The following NAV2 variants were observed in gnomAD, a reference collection of about 807,000 sequenced individuals.
NAV2 encodes neuron navigator 2, also known as helicase, APC down-regulated 1.
Under a neutral mutation model 223.2 loss-of-function variants are expected in NAV2, and 54 were observed. That is an observed-to-expected ratio of 0.24 (90% CI 0.19 to 0.30). The LOEUF is 0.30. NAV2 is among the 10% of genes least tolerant of loss of function. The pLI is 1.00. For synonymous variants in NAV2, 1,279 were observed against 1,239.3 expected (o/e 1.03, Z -0.67); for missense variants, 2,806 against 3,147.5 (o/e 0.89, Z 2.60).
intron 5 of NAV2, among the ~76,000 whole-genome samples, chr11:19,886,226 C>T (rs1172782291): frequency 1.3e-5 from 2 of 152,148 alleles, no homozygotes; most frequent in African/African-American, 4.8e-5. Flanking sequence ...AATCCTCCCG[C>T]CTTGGCCTCC....
intron 1 of NAV2, among the ~76,000 whole-genome samples, chr11:19,810,090 G>A (rs1471205209): frequency 2.6e-5 from 4 of 152,154 alleles, no homozygotes; most frequent in Non-Finnish European, 2.9e-5. Context: ...CTATTTACAT[G>A]GAAGATTTTT....
At chr11:19,800,464 T>A (rs184311629) in intron 1 of NAV2, among the ~76,000 whole-genome samples, 123 of 152,302 alleles carry the variant, frequency 8.1e-4, no homozygotes, top group Admixed American at 1.7e-3. Context: ...ACATATCAAA[T>A]GTAAAATAAT....
At chr11:19,851,245 C>T (rs2061101671) in intron 3 of NAV2, among the ~76,000 whole-genome samples, 1 of 152,092 alleles carries the variant, frequency 6.6e-6, no homozygotes, top group Admixed American at 6.6e-5. Context: ...GGAAGCCTGG[C>T]TCGAGAGTCT....
chr11:19,996,959 T>C (rs1565728902), intron 11 of NAV2, among the ~76,000 whole-genome samples: 1 of 152,124 alleles, frequency 6.6e-6, no homozygotes, highest in South Asian at 2.1e-4. Context: ...AGGATTTCTA[T>C]TGGTACCTCT....
chr11:19,884,297 A>G (rs2063399764), intron 5 of NAV2: 2 of 1,613,290 alleles, frequency 1.2e-6, no homozygotes, highest in African/African-American at 1.3e-5. Flanking sequence ...CATGCAGTGC[A>G]TCATCCAAGG....
At chr11:19,708,689 A>G (rs2049753290), upstream of NAV2, among the ~76,000 whole-genome samples, 2 of 152,174 alleles carry the variant, frequency 1.3e-5, no homozygotes, top group Non-Finnish European at 2.9e-5. Context: ...TGATCTGAGG[A>G]TGGCTCTTAG....
intron 1 of NAV2, among the ~76,000 whole-genome samples, chr11:19,526,783 C>T (rs1590411886): frequency 6.6e-6 from 1 of 152,170 alleles, no homozygotes; most frequent in African/African-American, 2.4e-5. Flanking sequence ...GAAGTTCATT[C>T]CAGCTTTCTG....
chr11:19,504,004 A>G (rs936395955), intron 1 of NAV2: 2 of 152,222 alleles, frequency 1.3e-5, no homozygotes, highest in African/African-American at 4.8e-5. Flanking sequence ...AAGTGGGCCA[A>G]AGACCTTAAC....
At chr11:19,952,961 T>C (rs1212184673) in intron 10 of NAV2, among the ~76,000 whole-genome samples, 1 of 152,210 alleles carries the variant, frequency 6.6e-6, no homozygotes, top group African/African-American at 2.4e-5. Context: ...TTTATTGGAT[T>C]GATAAATTGG....
intron 11 of NAV2, among the ~76,000 whole-genome samples, chr11:20,006,769 T>C (rs2053115381): frequency 6.6e-6 from 1 of 151,782 alleles, no homozygotes. Flanking sequence ...GGAGGATCAC[T>C]TGAGCCTGGG....
chr11:19,372,766 C>A lies in NAV2; in HGVS notation c.75+21739C>A, dbSNP rs73428681. ...TAAAGCTGAGAAACAGCTGTGGAAACGAGGTTTCAGGACCTCCTGGCCCCA... is the reference window on the plus strand; with the variant it reads ...TAAAGCTGAGAAACAGCTGTGGAAAAGAGGTTTCAGGACCTCCTGGCCCCA... On this transcript the variant is annotated intron_variant, in intron 1 of 37. Transcript: ENST00000360655. Among the ~76,000 whole-genome samples the A allele has an allele frequency of 7.2e-3, 1,098 of 152,288 alleles. 16 individuals are homozygous for A. Among genetic ancestry groups the A allele is most frequent in the African/African-American group, 0.025 (1,041 of 41,548 alleles).
intron 11 of NAV2, among the ~76,000 whole-genome samples, chr11:19,990,422 C>T (rs1393755298): frequency 6.6e-6 from 1 of 152,146 alleles, no homozygotes; most frequent in Non-Finnish European, 1.5e-5. Context: ...TACATGGACC[C>T]TTAAGCAATT....
chr11:19,631,841 C>T (rs915573345), intron 1 of NAV2, among the ~76,000 whole-genome samples: 1 of 152,042 alleles, frequency 6.6e-6, no homozygotes, highest in African/African-American at 2.4e-5. Context: ...TGATTAGGAG[C>T]CTGTGTGCTG....
intron 1 of NAV2, among the ~76,000 whole-genome samples, chr11:19,387,475 A>G (rs531967002): frequency 6.6e-6 from 1 of 152,270 alleles, no homozygotes; most frequent in Admixed American, 6.5e-5. Flanking sequence ...GAAGATGCTG[A>G]GTCTCACCAC....
intron 11 of NAV2, among the ~76,000 whole-genome samples, chr11:20,015,429 C>A (rs2053922104): frequency 6.6e-6 from 1 of 152,192 alleles, no homozygotes; most frequent in Non-Finnish European, 1.5e-5. Flanking sequence ...TGTCAACTTT[C>A]ACCATTGCAC....
At chr11:19,861,159 C>T (rs2061762090) in intron 3 of NAV2, among the ~76,000 whole-genome samples, 1 of 151,990 alleles carries the variant, frequency 6.6e-6, no homozygotes, top group South Asian at 2.1e-4. Flanking sequence ...CAGATATTGT[C>T]ACCTAATAAT....
At chr11:19,874,445 A>G (rs1473762382) in intron 4 of NAV2, among the ~76,000 whole-genome samples, 2 of 152,166 alleles carry the variant, frequency 1.3e-5, no homozygotes, top group African/African-American at 2.4e-5. Flanking sequence ...TTCCTTCTCT[A>G]GAACTCCAGA....
chr11:19,422,563 A>G (rs1850661215), intron 1 of NAV2, among the ~76,000 whole-genome samples: 1 of 151,096 alleles, frequency 6.6e-6, no homozygotes, highest in African/African-American at 2.4e-5. Context: ...GAAGCCGCCC[A>G]TAAGGCCCTT....
chr11:19,646,653 T>A (rs1252848666), intron 1 of NAV2, among the ~76,000 whole-genome samples: 2 of 151,978 alleles, frequency 1.3e-5, no homozygotes, highest in African/African-American at 4.8e-5. Context: ...AGGGTGAGGG[T>A]GCTGGCCAGA....
Sources: gnomAD v4.1 joint callset for allele counts (sites outside exome capture counted in the v4.1 genomes callset) on GRCh38, gnomAD v4.1.1 for gene constraint, MANE v1.5 for transcripts, NCBI Gene and HGNC (gene_info 2026-07-23, HGNC 2026-07-21) for gene names.